The following TMEM26 variants were observed in gnomAD, a reference collection of about 807,000 sequenced individuals.
TMEM26 encodes transmembrane protein 26.
In TMEM26, 38 loss-of-function variants were observed where a neutral mutation model predicts 28.8. The observed-to-expected ratio is 1.32, with a 90% confidence interval of 1.02 to 1.73. The LOEUF is 1.73. TMEM26 is among the 40% of genes most tolerant of loss of function. The pLI, the probability that TMEM26 is intolerant of heterozygous loss-of-function variation, is 0.00. For missense variants in TMEM26, 518 were observed against 447.1 expected (o/e 1.16, Z -1.43); for synonymous variants, 227 against 182.9 (o/e 1.24, Z -1.95).
intron 4 of TMEM26, chr10:61,415,160 G>C: frequency 1.0e-6 from 1 of 985,222 alleles, no homozygotes; most frequent in Non-Finnish European, 1.2e-6. Flanking sequence ...GGATGACCTA[G>C]ATTAGAATAG....
At chr10:61,418,127 G>C (rs973130287) in intron 4 of TMEM26, among the ~76,000 whole-genome samples, 2 of 151,706 alleles carry the variant, frequency 1.3e-5, no homozygotes, top group Non-Finnish European at 2.9e-5. Context: ...ATTTATTCAA[G>C]ACTATTGCAA....
chr10:61,440,608 A>C (rs1840076986), intron 1 of TMEM26, among the ~76,000 whole-genome samples: 1 of 151,632 alleles, frequency 6.6e-6, no homozygotes, highest in South Asian at 2.1e-4. Flanking sequence ...TCTTACTTTT[A>C]ACCTGATTAT....
At chr10:61,424,103 A>G (rs1290764406) in intron 4 of TMEM26, among the ~76,000 whole-genome samples, 1 of 152,180 alleles carries the variant, frequency 6.6e-6, no homozygotes, top group Non-Finnish European at 1.5e-5. Context: ...CAATAAGGCA[A>G]GAAAAATAAA....
chr10:61,440,058 G>A (rs957479927), intron 1 of TMEM26, among the ~76,000 whole-genome samples: 1 of 152,052 alleles, frequency 6.6e-6, no homozygotes, highest in Non-Finnish European at 1.5e-5. Context: ...TGGCCAACAT[G>A]GTGAACCCCC....
At chr10:61,431,618 T>C (rs1839924479) in intron 2 of TMEM26, among the ~76,000 whole-genome samples, 1 of 152,090 alleles carries the variant, frequency 6.6e-6, no homozygotes, top group African/African-American at 2.4e-5. Flanking sequence ...GATTGGTAAC[T>C]GAGATTCCTT....
At position 61,410,098 on chromosome 10, in the gene TMEM26, T is replaced by C. The variant is rs568404568; in HGVS notation, c.*224A>G. The stretch of plus-strand genomic sequence containing the variant: ...ACAAATCACTTAGTCGTTGAACAAC[T>C]ATAACATCTGATACCATCACACAGA... On this transcript the variant is annotated 3_prime_UTR_variant, in exon 6 of 6. Coordinates refer to ENST00000399298, the MANE Select transcript of TMEM26 (RefSeq NM_178505.8). The C allele has an allele frequency of 5.1e-5, 29 of 571,562 alleles. No homozygotes were observed. The Admixed American group carries it at 7.7e-4, about 15-fold the overall frequency. The allele number at this position is 571,562 out of a possible 1,614,324, so 35.4% of individuals were successfully genotyped here.
chr10:61,434,040 G>T (rs1456583114), intron 2 of TMEM26, among the ~76,000 whole-genome samples: 1 of 152,174 alleles, frequency 6.6e-6, no homozygotes, highest in Non-Finnish European at 1.5e-5. Flanking sequence ...CTGAAGAAAA[G>T]TGATTATTAT....
rs758230765 is a variant in TMEM26 at position 61,410,421 on chromosome 10, C to T, written c.1008G>A (p.Gly336=). 3 of 1,614,042 alleles carry T rather than the reference C, an allele frequency of 1.9e-6. No homozygotes were observed. The highest frequency in any genetic ancestry group is 8.5e-7 in the Non-Finnish European group (1 of 1,179,992). ...CGTTCTGCCAGTCCCGCTGAGAGGG[C>T]CCACTCTCAGAGGTCTGTGCCCGGC... ...HGCRAQTSES[G]PSQRDWQNES... is the part of the protein sequence containing the mutation. The change falls in exon 6 of 6, where the codon GGG becomes GGA. Residue 336 remains glycine (G), a synonymous_variant. Transcript: ENST00000399298.
At chr10:61,440,686 G>C (rs756248863) in intron 1 of TMEM26, among the ~76,000 whole-genome samples, 1 of 151,814 alleles carries the variant, frequency 6.6e-6, no homozygotes, top group Non-Finnish European at 1.5e-5. Flanking sequence ...GCCCTCTCTG[G>C]TCACTTTTAT....
chr10:61,429,256 T>C, intron 3 of TMEM26, 110 bp from the exon 4 acceptor site: 1 of 841,264 alleles, frequency 1.2e-6, no homozygotes. Flanking sequence ...AGAGTAATTT[T>C]CAGGAGTTAT....
At chr10:61,415,112 C>A (rs1053728752) in intron 4 of TMEM26, 1 of 985,060 alleles carries the variant, frequency 1.0e-6, no homozygotes, top group African/African-American at 1.7e-5. Context: ...AAAACCAGTA[C>A]CCTGGAAGAC....
intron 1 of TMEM26, among the ~76,000 whole-genome samples, chr10:61,451,881 T>C (rs2135343793): frequency 6.6e-6 from 1 of 152,254 alleles, no homozygotes; most frequent in Admixed American, 6.5e-5. Context: ...AGGGGTTGTT[T>C]CATTTTTTTT....
At chr10:61,449,430 T>C (rs1840239674) in intron 1 of TMEM26, among the ~76,000 whole-genome samples, 1 of 152,222 alleles carries the variant, frequency 6.6e-6, no homozygotes, top group Admixed American at 6.5e-5. Flanking sequence ...GCTCAGCAAT[T>C]CCAGTTCCAT....
Position 61,444,666 on chromosome 10 carries a change from A to AAT in TMEM26, c.191+8224_191+8225insAT, listed in dbSNP as rs1308117747. Among the ~76,000 whole-genome samples the AAT allele has an allele frequency of 4.0e-5, 6 of 151,766 alleles. No individual in the cohort carries two copies. The East Asian group carries it at 1.2e-3, about 29-fold the overall frequency. On this transcript the variant is annotated intron_variant, in intron 1 of 5. Transcript: ENST00000399298. ...ACCCTCATAATTTAAAAAAAAAAAA[A>AAT]AAAAACACCAACAGAACTTTGACCC...
Position 61,429,150 on chromosome 10 carries a change from T to C in TMEM26, c.385-4A>G. The C allele has an allele frequency of 6.2e-7, 1 of 1,611,340 alleles. No homozygotes were observed. Among genetic ancestry groups the C allele is most frequent in the Non-Finnish European group, 8.5e-7 (1 of 1,178,584 alleles). On this transcript the variant is annotated splice_region_variant and splice_polypyrimidine_tract_variant and intron_variant, in intron 3 of 5. Coordinates refer to ENST00000399298, the MANE Select transcript of TMEM26 (RefSeq NM_178505.8). ...AGTTATTCACAAAAACTTTGGCCTG[T>C]TTAACAGAAATGTCATACAGACAGG...
At chr10:61,429,837 C>A (rs1011090811) in intron 3 of TMEM26, among the ~76,000 whole-genome samples, 2 of 152,058 alleles carry the variant, frequency 1.3e-5, no homozygotes, top group African/African-American at 4.8e-5. Context: ...TGCCCAATTA[C>A]ATTCTAAATA....
At chr10:61,433,568 T>A (rs576928470) in intron 2 of TMEM26, among the ~76,000 whole-genome samples, 1 of 152,090 alleles carries the variant, frequency 6.6e-6, no homozygotes, top group African/African-American at 2.4e-5. Flanking sequence ...GTCACAATCA[T>A]TGTCATAAAC....
At chr10:61,415,081 T>C (rs182105527) in intron 4 of TMEM26, 1 of 985,266 alleles carries the variant, frequency 1.0e-6, no homozygotes, top group East Asian at 1.1e-4. Context: ...CACATGCACA[T>C]ATGGCATAGA....
chr10:61,413,890 T>A (rs1367546549), intron 4 of TMEM26: 1 of 993,204 alleles, frequency 1.0e-6, no homozygotes, highest in Non-Finnish European at 1.2e-6. Flanking sequence ...TTTCAAGGAA[T>A]GTCAGTGGGA....
Sources: gnomAD v4.1 joint callset for allele counts (sites outside exome capture counted in the v4.1 genomes callset) on GRCh38, gnomAD v4.1.1 for gene constraint, MANE v1.5 for transcripts, NCBI Gene and HGNC (gene_info 2026-07-23, HGNC 2026-07-21) for gene names.